CXADR: variants seen among roughly 807,000 people sequenced by gnomAD.
The protein encoded by CXADR is CXADR cell adhesion molecule.
Under a neutral mutation model 40.3 loss-of-function variants are expected in CXADR, and 20 were observed. The ratio of observed to expected loss-of-function variants is 0.50; its 90% CI spans 0.35 to 0.72. The LOEUF is 0.72. Ranked by LOEUF, CXADR falls within the 30% of genes least tolerant of loss-of-function variation. The probability of loss-of-function intolerance (pLI) is 0.01; values close to 1 mark genes in which losing one functional copy is unlikely to be tolerated. For missense variants in CXADR, 332 were observed against 449.1 expected, an observed-to-expected ratio of 0.74 and a Z score of 2.36; for synonymous variants, 150 against 161.3, an observed-to-expected ratio of 0.93 and a Z score of 0.53.
At position 17,568,393 on chromosome 21, in the gene CXADR, G is replaced by A. The variant is rs1204388227; in HGVS notation, c.*2701G>A. On this transcript the variant is annotated 3_prime_UTR_variant, in exon 7 of 7. Coordinates refer to ENST00000284878, the MANE Select transcript of CXADR (RefSeq NM_001338.5). Reference sequence around the variant, plus strand: ...TCTGCCTGCCTCGGCCTCCCAAAGTGCTGGGATTACAGGCGTGAACCACTG... The same window carrying A: ...TCTGCCTGCCTCGGCCTCCCAAAGTACTGGGATTACAGGCGTGAACCACTG... The A allele has an allele frequency of 1.0e-6, 1 of 972,500 alleles. No homozygotes were observed. Among genetic ancestry groups the A allele is most frequent in the Non-Finnish European group, 1.2e-6 (1 of 818,552 alleles). 60.2% of individuals were successfully genotyped at this position (972,500 alleles called of 1,614,324 possible). A position where few individuals can be genotyped will look rare whatever the true frequency, so the allele number is the denominator to read the frequency against.
In CXADR at chr21:17,519,024, C is replaced by T. The variant is rs116998673; in HGVS notation, c.43+5852C>T. On this transcript the variant is annotated intron_variant, in intron 1 of 6. Transcript: ENST00000284878. ...TGGTAAATCTGAAGCAGGGAGGGTC[C>T]TCCAGCACCAGCACGCGGCAAGAGC... 5.8e-4 allele frequency: 886 copies of T among 1,522,286 alleles called. 9 individuals are homozygous for T. In the East Asian group the frequency reaches 0.019, roughly 32 times the overall value. 94.3% of individuals were successfully genotyped at this position (1,522,286 alleles called of 1,614,324 possible). A position where few individuals can be genotyped will look rare whatever the true frequency, so the allele number is the denominator to read the frequency against.
Position 17,519,287 on chromosome 21 carries a change from A to G in CXADR, c.43+6115A>G, listed in dbSNP as rs75463536. Among the ~76,000 whole-genome samples, 844 of 152,326 alleles carry G rather than the reference A, an allele frequency of 5.5e-3. 9 individuals carry two copies. Among genetic ancestry groups the G allele is most frequent in the Middle Eastern group, 0.034 (10 of 294 alleles). On this transcript the variant is annotated intron_variant, in intron 1 of 6. Coordinates refer to ENST00000284878, the MANE Select transcript of CXADR (RefSeq NM_001338.5). ...GTCTTGTGGCTCCTGGCAGACAGCT[A>G]GTGTTCAGCAAGTCCTTTTTGCATG...
chr21:17,626,520 AT>A, the CXADR span, among the ~76,000 whole-genome samples: 4 of 151,836 alleles, frequency 2.6e-5, no homozygotes, highest in African/African-American at 9.7e-5. Context: ...AGGAATCAGC[AT>A]TTTTTTTAGC....
At chr21:17,587,415 T>C (rs1417951835) in intron 7 of CXADR, among the ~76,000 whole-genome samples, 2 of 152,194 alleles carry the variant, frequency 1.3e-5, no homozygotes, top group Non-Finnish European at 1.5e-5. Context: ...TTCCTGACTT[T>C]TTAAATGATC....
At position 17,584,221 on chromosome 21, in the gene CXADR, AC is replaced by A. The variant is rs2061379363; in HGVS notation, c.1018-8929del. ...AACAAATGAAGAACAAACTGTATAG[AC>A]CTCAAGAACATACATGAGATAATCC... On this transcript the variant is annotated intron_variant, in intron 7 of 7. Transcript: ENST00000400169. Among the ~76,000 whole-genome samples, 2 of 152,224 alleles carry A rather than the reference AC, an allele frequency of 1.3e-5. 1 individual carries two copies. The highest frequency in any genetic ancestry group is 1.3e-4 in the Admixed American group (2 of 15,276).
intron 3 of CXADR, among the ~76,000 whole-genome samples, chr21:17,558,583 T>G (rs984755566): frequency 5.9e-5 from 9 of 152,198 alleles, no homozygotes; most frequent in African/African-American, 9.7e-5. Flanking sequence ...TGGTACATAC[T>G]GCCAGAGGGT....
the CXADR span, among the ~76,000 whole-genome samples, chr21:17,626,376 A>G: frequency 1.3e-5 from 2 of 152,212 alleles, no homozygotes; most frequent in Admixed American, 6.5e-5. Flanking sequence ...AATCTGAACC[A>G]TGGGGTGGTG....
the CXADR span, among the ~76,000 whole-genome samples, chr21:17,609,631 A>G: frequency 2.0e-5 from 3 of 152,282 alleles, no homozygotes; most frequent in Non-Finnish European, 4.4e-5. Context: ...GGTTAAACAC[A>G]GAGTTATCAT....
chr21:17,591,878 A>G (rs2061439308), intron 7 of CXADR, among the ~76,000 whole-genome samples: 1 of 151,960 alleles, frequency 6.6e-6, no homozygotes, highest in South Asian at 2.1e-4. Context: ...TTTGTACCCC[A>G]TGCTTGCTAG....
rs1446915462 is a variant in CXADR, at chr21:17,560,747, A to G, written c.617A>G (p.Tyr206Cys). ...VISVKNASSE[Y>C]SGTYSCTVRN... ...TCTGTAAAAAATGCCTCTTCTGAGT[A>G]CTCTGGGACATACAGCTGTACAGTC... is the stretch of plus-strand genomic sequence containing the variant. The change falls in exon 5 of 7, where the codon TAC (tyrosine) becomes TGC (cysteine). Residue 206 changes from tyrosine to cysteine, a missense_variant. Coordinates refer to ENST00000284878, the MANE Select transcript of CXADR (RefSeq NM_001338.5). 2 of 1,613,738 alleles carry G rather than the reference A, an allele frequency of 1.2e-6. No individual in the cohort carries two copies. Among genetic ancestry groups the G allele is most frequent in the African/African-American group, 2.7e-5 (2 of 74,902 alleles).
At chr21:17,561,703 G>C (rs2061124231) in intron 6 of CXADR, among the ~76,000 whole-genome samples, 1 of 152,044 alleles carries the variant, frequency 6.6e-6, no homozygotes, top group Non-Finnish European at 1.5e-5. Context: ...CCCATTTTAA[G>C]AACCACTGCC....
At chr21:17,588,499 G>T (rs944662062) in intron 7 of CXADR, among the ~76,000 whole-genome samples, 2 of 152,274 alleles carry the variant, frequency 1.3e-5, no homozygotes, top group Non-Finnish European at 1.5e-5. Context: ...TGAAGCAATT[G>T]TGAATGGGAG....
At chr21:17,544,413 C>A (rs746326097) in intron 1 of CXADR, among the ~76,000 whole-genome samples, 5 of 152,114 alleles carry the variant, frequency 3.3e-5, no homozygotes, top group Non-Finnish European at 7.4e-5. Flanking sequence ...TGCTGTATAA[C>A]AAAACAACTC....
chr21:17,566,025 A>G lies in CXADR; in HGVS notation c.*333A>G. On this transcript the variant is annotated 3_prime_UTR_variant, in exon 7 of 7. Coordinates refer to ENST00000284878, the MANE Select transcript of CXADR (RefSeq NM_001338.5). ...TGAAGACATGGGTGAACTTACTTGC[A>G]TACCAAGTTGATACTTGAATAACCA... 1 of 1,006,380 alleles carries G rather than the reference A, an allele frequency of 9.9e-7. No homozygotes were observed. The highest frequency in any genetic ancestry group is 1.2e-6 in the Non-Finnish European group (1 of 843,956). 62.3% of individuals were successfully genotyped at this position (1,006,380 alleles called of 1,614,324 possible). A position where few individuals can be genotyped will look rare whatever the true frequency, so the allele number is the denominator to read the frequency against.
intron 2 of CXADR, among the ~76,000 whole-genome samples, chr21:17,548,180 T>C (rs564848976): frequency 1.3e-5 from 2 of 152,254 alleles, no homozygotes; most frequent in East Asian, 3.9e-4. Context: ...TTTGTTCATG[T>C]AAAAGAAGGG....
intron 1 of CXADR, 123 bp downstream of exon 1, chr21:17,513,295 G>A: frequency 2.1e-6 from 2 of 949,350 alleles, no homozygotes; most frequent in Non-Finnish European, 2.8e-6. Context: ...GCTGCTGCAG[G>A]GGCGGCGGGG....
chr21:17,597,899 T>C (rs532635838), downstream of CXADR, among the ~76,000 whole-genome samples: 143 of 152,306 alleles, frequency 9.4e-4, no homozygotes, highest in Admixed American at 1.3e-3. Context: ...ACCTGGTATG[T>C]TTCACATTTA....
chr21:17,592,044 C>T (rs925101169), intron 7 of CXADR, among the ~76,000 whole-genome samples: 1 of 152,074 alleles, frequency 6.6e-6, no homozygotes, highest in East Asian at 1.9e-4. Flanking sequence ...TGAGTAATAA[C>T]ATCTACCTGT....
chr21:17,576,374 A>G (rs983326295), intron 7 of CXADR, among the ~76,000 whole-genome samples: 1 of 152,172 alleles, frequency 6.6e-6, no homozygotes, highest in Non-Finnish European at 1.5e-5. Context: ...TACCTCATGA[A>G]TAAAATAGGA....
Sources: allele counts gnomAD v4.1 joint callset (sites outside exome capture counted in the v4.1 genomes callset), GRCh38; gene constraint gnomAD v4.1.1; transcripts MANE v1.5; gene names NCBI Gene and HGNC (gene_info 2026-07-23, HGNC 2026-07-21).